RAPH1: variants seen among roughly 807,000 people sequenced by gnomAD.
RAPH1 encodes Ras association (RalGDS/AF-6) and pleckstrin homology domains 1, also known as ras-associated and pleckstrin homology domains-containing protein 1.
In RAPH1, 18 loss-of-function variants were observed where a neutral mutation model predicts 88.1. The ratio of observed to expected loss-of-function variants is 0.20; its 90% CI spans 0.14 to 0.30. The LOEUF (loss-of-function observed/expected upper bound fraction) is 0.30, where lower values mean the gene tolerates loss of function less well. RAPH1 is among the 10% of genes least tolerant of loss of function. The pLI, the probability that RAPH1 is intolerant of heterozygous loss-of-function variation, is 1.00. For synonymous variants in RAPH1, 587 were observed against 559.0 expected, an observed-to-expected ratio of 1.05 and a Z score of -0.71; for missense variants, 1,448 against 1,543.2, an observed-to-expected ratio of 0.94 and a Z score of 1.03.
At chr2:203,517,859 A>C (rs927442274) in intron 1 of RAPH1, among the ~76,000 whole-genome samples, 7 of 152,186 alleles carry the variant, frequency 4.6e-5, no homozygotes, top group Admixed American at 4.6e-4. Context: ...TGTGGGATGC[A>C]ACAAAAGCAA....
At chr2:203,526,126 G>A (rs954070843) in intron 1 of RAPH1, among the ~76,000 whole-genome samples, 2 of 151,916 alleles carry the variant, frequency 1.3e-5, no homozygotes, top group Admixed American at 1.3e-4. Context: ...TTCCTAAAAG[G>A]ATAATGCAAA....
intron 4 of RAPH1, among the ~76,000 whole-genome samples, chr2:203,474,651 G>C (rs2098535808): frequency 6.6e-6 from 1 of 152,124 alleles, no homozygotes; most frequent in Non-Finnish European, 1.5e-5. Flanking sequence ...TACCACAACT[G>C]GCAGTGTACA....
Position 203,455,593 on chromosome 2 carries a change from G to T in RAPH1, c.1159-13C>A. Reference sequence around the variant, plus strand: ...CACAAAAACATTCCTAAAATAACAAGATTATTTGCAAAGACTTATGATCGT... The same window carrying T: ...CACAAAAACATTCCTAAAATAACAATATTATTTGCAAAGACTTATGATCGT... On this transcript the variant is annotated splice_polypyrimidine_tract_variant and intron_variant, in intron 8 of 13. Transcript: ENST00000319170. 1.9e-6 allele frequency: 3 copies of T among 1,609,488 alleles called. No individual in the cohort carries two copies. Among genetic ancestry groups the T allele is most frequent in the Non-Finnish European group, 2.5e-6 (3 of 1,177,516 alleles).
At chr2:203,456,402 A>C (rs182336832) in intron 8 of RAPH1, among the ~76,000 whole-genome samples, 1 of 152,356 alleles carries the variant, frequency 6.6e-6, no homozygotes, top group Admixed American at 6.5e-5. Flanking sequence ...TTAAGAATTT[A>C]AAAACTATCC....
At chr2:203,481,887 C>T (rs1687745424) in intron 4 of RAPH1, among the ~76,000 whole-genome samples, 2 of 151,316 alleles carry the variant, frequency 1.3e-5, no homozygotes, top group African/African-American at 4.9e-5. Context: ...CGGGCGTGAG[C>T]CACTGCACCA....
chr2:203,441,661 T>C, intron 13 of RAPH1: 1 of 1,313,066 alleles, frequency 7.6e-7, no homozygotes, highest in Non-Finnish European at 9.6e-7. Flanking sequence ...TCTAACAATC[T>C]AGGAAAAATG....
Position 203,440,738 on chromosome 2 carries a change from C to A in RAPH1, c.2452G>T (p.Ala818Ser). The A allele has an allele frequency of 1.9e-6, 3 of 1,609,492 alleles. No homozygotes were observed. Among genetic ancestry groups the A allele is most frequent in the Non-Finnish European group, 2.5e-6 (3 of 1,178,014 alleles). The change falls in exon 14 of 14, where the codon GCT becomes TCT. Residue 818 changes from alanine (A) to serine (S), a missense_variant. Ala to Ser is a moderately conservative substitution (Grantham distance 99). Coordinates refer to ENST00000319170, the MANE Select transcript of RAPH1 (RefSeq NM_213589.3). Reference sequence around the variant, plus strand: ...GGTGGAATGTAAGAAGCAGGGAAAGCTGGCTGCTTTTTTGCTGGGGGCACT... The same window carrying A: ...GGTGGAATGTAAGAAGCAGGGAAAGATGGCTGCTTTTTTGCTGGGGGCACT... Reference protein sequence around the residue: ...PPVPPAKKQPAFPASYIPPSP... With the variant: ...PPVPPAKKQPSFPASYIPPSP...
intron 12 of RAPH1, chr2:203,447,167 GTTTTC>G (rs1408953775): frequency 1.4e-5 from 2 of 141,692 alleles, no homozygotes; most frequent in Non-Finnish European, 3.1e-5. Flanking sequence ...GAGAGCCTTG[GTTTTC>G]TTTTCTTTCT....
Position 203,524,805 on chromosome 2 carries a change from GT to G in RAPH1, c.-1+10305del, listed in dbSNP as rs139700682. On this transcript the variant is annotated intron_variant, in intron 1 of 13. Transcript: ENST00000319170. ...TGATTACAGTGATGATTTCATGGGTGTATTAAAACTTACCAAATTGTACACT... is the reference window on the plus strand; with the variant it reads ...TGATTACAGTGATGATTTCATGGGTGATTAAAACTTACCAAATTGTACACT... 2.7e-3 allele frequency among the ~76,000 whole-genome samples: 406 copies of G among 152,270 alleles called. 1 individual carries two copies. Among genetic ancestry groups the G allele is most frequent in the African/African-American group, 9.4e-3 (390 of 41,550 alleles).
At chr2:203,522,635 C>T (rs890745057) in intron 1 of RAPH1, among the ~76,000 whole-genome samples, 6 of 152,098 alleles carry the variant, frequency 3.9e-5, no homozygotes, top group Non-Finnish European at 8.8e-5. Flanking sequence ...GGTGCAGTGG[C>T]TCACACCTGT....
At position 203,440,432 on chromosome 2, in the gene RAPH1, G is replaced by C. The variant is rs2098502492; in HGVS notation, c.2758C>G (p.Pro920Ala). ...GGAAACACCAGGCTGCTTTCAGGAG[G>C]GGGAGGAGGGAAGTCCGGAGAAGGG... The part of the protein sequence containing the change: ...PVPSPDFPPP[P>A]PESSLVFPPP... The change falls in exon 14 of 14, where the codon CCT becomes GCT. Residue 920 changes from proline (P) to alanine (A), a missense_variant. Physicochemically the swap from Pro to Ala is conservative, Grantham distance 27. Coordinates refer to ENST00000319170, the MANE Select transcript of RAPH1 (RefSeq NM_213589.3). The C allele has an allele frequency of 5.2e-6, 8 of 1,548,740 alleles. No individual in the cohort carries two copies. Among genetic ancestry groups the C allele is most frequent in the Non-Finnish European group, 7.0e-6 (8 of 1,148,964 alleles).
chr2:203,459,822 G>T, intron 7 of RAPH1, 85 bp downstream of exon 7: 1 of 1,376,044 alleles, frequency 7.3e-7, no homozygotes. Context: ...GTGTTTACCA[G>T]TCTTTTAACT....
At chr2:203,480,430 C>G (rs1452984460) in intron 4 of RAPH1, among the ~76,000 whole-genome samples, 1 of 152,174 alleles carries the variant, frequency 6.6e-6, no homozygotes, top group Non-Finnish European at 1.5e-5. Context: ...CGCCTATAGT[C>G]ACAGCTACTA....
intron 4 of RAPH1, among the ~76,000 whole-genome samples, chr2:203,489,247 T>C (rs1688132557): frequency 6.6e-6 from 1 of 152,196 alleles, no homozygotes; most frequent in Non-Finnish European, 1.5e-5. Flanking sequence ...AGTTTTACTT[T>C]AAATCAACAT....
At chr2:203,523,082 T>C (rs1016858779) in intron 1 of RAPH1, among the ~76,000 whole-genome samples, 1 of 151,702 alleles carries the variant, frequency 6.6e-6, no homozygotes, top group African/African-American at 2.4e-5. Context: ...ACACATAAAA[T>C]GTCAAACAAT....
intron 4 of RAPH1, among the ~76,000 whole-genome samples, chr2:203,473,994 A>T (rs2098535299): frequency 6.6e-6 from 1 of 152,174 alleles, no homozygotes; most frequent in African/African-American, 2.4e-5. Flanking sequence ...AAATAGGGAG[A>T]TGCAGACCAA....
Position 203,439,259 on chromosome 2 carries a change from ATACACACACTGTACAGCTGTGTG to A in RAPH1, c.*155_*177del, listed in dbSNP as rs2098501021. The A allele has an allele frequency of 3.3e-6, 2 of 599,132 alleles. No individual in the cohort carries two copies. The highest frequency in any genetic ancestry group is 5.9e-6 in the Non-Finnish European group (2 of 336,792). 37.1% of individuals were successfully genotyped at this position (599,132 alleles called of 1,614,324 possible). A position where few individuals can be genotyped will look rare whatever the true frequency, so the allele number is the denominator to read the frequency against. ...TACACATACATATATGTATACATAT[ATACACACACTGTACAGCTGTGTG>A]TACATGCACGTGTACACACACACAT... On this transcript the variant is annotated 3_prime_UTR_variant, in exon 14 of 14. Transcript: ENST00000319170.
At chr2:203,446,163 T>G (rs995129798) in intron 12 of RAPH1, 1 of 152,220 alleles carries the variant, frequency 6.6e-6, no homozygotes, top group Admixed American at 6.5e-5. Context: ...ATGTCTCCTA[T>G]AACGGCTTCT....
At chr2:203,521,178 C>T (rs933742411) in intron 1 of RAPH1, among the ~76,000 whole-genome samples, 107 of 152,000 alleles carry the variant, frequency 7.0e-4, no homozygotes, top group African/African-American at 2.5e-3. Flanking sequence ...TTCAGCCTCC[C>T]GAGTAGCTGG....
Sources: allele counts gnomAD v4.1 joint callset (sites outside exome capture counted in the v4.1 genomes callset), GRCh38; gene constraint gnomAD v4.1.1; transcripts MANE v1.5; gene names NCBI Gene and HGNC (gene_info 2026-07-23, HGNC 2026-07-21).